Variants in THSD4 observed in about 807,000 individuals in gnomAD.
THSD4 encodes the protein thrombospondin type-1 domain-containing protein 4.
In THSD4, 69 loss-of-function variants were observed where a neutral mutation model predicts 119.0. The ratio of observed to expected loss-of-function variants is 0.58; its 90% CI spans 0.48 to 0.71. The LOEUF (loss-of-function observed/expected upper bound fraction) is 0.71, where lower values mean the gene tolerates loss of function less well. Among genes scored for constraint, THSD4 ranks in the 30% least tolerant of loss-of-function variants. THSD4 has a pLI of 0.00. For missense variants in THSD4, 1,393 were observed against 1,391.1 expected, an observed-to-expected ratio of 1.00 and a Z score of -0.02; for synonymous variants, 524 against 540.4, an observed-to-expected ratio of 0.97 and a Z score of 0.42.
At chr15:71,456,408 GA>G (rs1325575924) in intron 7 of THSD4, among the ~76,000 whole-genome samples, 1 of 152,000 alleles carries the variant, frequency 6.6e-6, no homozygotes. Flanking sequence ...TGTTGAAAAA[GA>G]AAAAAAGCAT....
intron 3 of THSD4, among the ~76,000 whole-genome samples, chr15:71,168,949 A>G (rs2043323510): frequency 6.6e-6 from 1 of 152,232 alleles, no homozygotes; most frequent in East Asian, 1.9e-4. Flanking sequence ...GTAACCATAA[A>G]ATTGTACTAC....
At chr15:71,255,851 G>C (rs755346541) in intron 5 of THSD4, among the ~76,000 whole-genome samples, 42 of 152,164 alleles carry the variant, frequency 2.8e-4, no homozygotes, top group Non-Finnish European at 5.1e-4. Context: ...TTAAAGTAGT[G>C]CCTGGCAAAG....
intron 7 of THSD4, among the ~76,000 whole-genome samples, chr15:71,658,437 G>C (rs1048458018): frequency 3.5e-4 from 53 of 152,196 alleles, no homozygotes; most frequent in Admixed American, 3.4e-3. Flanking sequence ...AAGGGAGGGA[G>C]TGTGAGATGT....
chr15:71,557,847 A>G (rs1397105953), intron 7 of THSD4, among the ~76,000 whole-genome samples: 4 of 152,062 alleles, frequency 2.6e-5, no homozygotes, highest in East Asian at 1.9e-4. Flanking sequence ...ATATTGTTCA[A>G]TTGTGCCTTT....
intron 8 of THSD4, among the ~76,000 whole-genome samples, chr15:71,701,603 C>T (rs1458498179): frequency 6.6e-6 from 1 of 151,978 alleles, no homozygotes; most frequent in Non-Finnish European, 1.5e-5. Flanking sequence ...CACTCTTTAG[C>T]CATTAAAAAT....
intron 7 of THSD4, among the ~76,000 whole-genome samples, chr15:71,593,115 T>C (rs2049838667): frequency 6.6e-6 from 1 of 151,982 alleles, no homozygotes; most frequent in Non-Finnish European, 1.5e-5. Flanking sequence ...CCTTATCTCT[T>C]TGTCCATTGT....
chr15:71,126,617 G>T (rs536382183), intron 1 of THSD4, among the ~76,000 whole-genome samples: 1 of 152,336 alleles, frequency 6.6e-6, no homozygotes, highest in South Asian at 2.1e-4. Flanking sequence ...ATCAGTTGAT[G>T]CCAGCACTGA....
chr15:71,192,929 G>A lies in THSD4; in HGVS notation c.100-22106G>A, dbSNP rs77920205. The stretch of plus-strand genomic sequence containing the variant: ...TAGTTTTCCATCCTTCATGGGAATC[G>A]TTTTTCTTCCTACGTTTCTGTTTTT... On this transcript the variant is annotated intron_variant, in intron 3 of 17. Coordinates refer to ENST00000261862, the MANE Select transcript of THSD4 (RefSeq NM_024817.3). Among the ~76,000 whole-genome samples the A allele has an allele frequency of 4.7e-4, 71 of 152,234 alleles. No homozygotes were observed. In the East Asian group the frequency reaches 0.013, roughly 29 times the overall value.
intron 1 of THSD4, among the ~76,000 whole-genome samples, chr15:71,130,482 G>A (rs961329544): frequency 2.0e-5 from 3 of 152,062 alleles, no homozygotes; most frequent in Non-Finnish European, 4.4e-5. Flanking sequence ...CACTGCGCCC[G>A]GCCCTGAGAG....
chr15:71,648,804 CGAG>C lies in THSD4; in HGVS notation c.1153-11722_1153-11720del, dbSNP rs1202304976. Among the ~76,000 whole-genome samples the C allele has an allele frequency of 3.3e-5, 5 of 152,244 alleles. No homozygotes were observed. The East Asian group carries it at 7.7e-4, about 24-fold the overall frequency. On this transcript the variant is annotated intron_variant, in intron 7 of 17. Transcript: ENST00000261862. Reference sequence around the variant, plus strand: ...GGCCAGACTGCCAAGGGACGCGTCTCGAGGAGAAGGAGAGGCACAACATTTTAC... The same window carrying C: ...GGCCAGACTGCCAAGGGACGCGTCTCGAGAAGGAGAGGCACAACATTTTAC...
intron 7 of THSD4, among the ~76,000 whole-genome samples, chr15:71,466,092 G>A (rs977363541): frequency 3.9e-5 from 6 of 152,244 alleles, no homozygotes; most frequent in African/African-American, 1.4e-4. Flanking sequence ...GCTCACACCT[G>A]TAATCCCAGC....
intron 11 of THSD4, among the ~76,000 whole-genome samples, chr15:71,740,497 A>G (rs548457839): frequency 6.6e-6 from 1 of 152,282 alleles, no homozygotes; most frequent in South Asian, 2.1e-4. Context: ...TGTGGAGAAG[A>G]TTCTCTTTCA....
chr15:71,213,829 C>G (rs1350930048), intron 3 of THSD4, among the ~76,000 whole-genome samples: 2 of 152,210 alleles, frequency 1.3e-5, no homozygotes, highest in East Asian at 1.9e-4. Flanking sequence ...GCCAAGCTCT[C>G]TGCTATGCAC....
chr15:71,370,313 C>A (rs1172931363), intron 6 of THSD4, among the ~76,000 whole-genome samples: 2 of 151,932 alleles, frequency 1.3e-5, no homozygotes, highest in African/African-American at 4.8e-5. Context: ...TTATTTCTTG[C>A]CTTCTGCTAG....
chr15:71,467,665 G>A (rs1008460906), intron 7 of THSD4, among the ~76,000 whole-genome samples: 3 of 152,094 alleles, frequency 2.0e-5, no homozygotes, highest in African/African-American at 7.2e-5. Context: ...CTTCAGGGAA[G>A]AAGAGCAGGA....
intron 6 of THSD4, among the ~76,000 whole-genome samples, chr15:71,280,064 T>C (rs1215262440): frequency 6.6e-6 from 1 of 152,222 alleles, no homozygotes; most frequent in East Asian, 1.9e-4. Flanking sequence ...TGCTGTATGC[T>C]TATCCTCCAG....
At chr15:71,204,259 A>G (rs553167035) in intron 3 of THSD4, among the ~76,000 whole-genome samples, 2 of 152,346 alleles carry the variant, frequency 1.3e-5, no homozygotes, top group East Asian at 3.9e-4. Flanking sequence ...AATTTCAGAA[A>G]GAAGAGTGTT....
chr15:71,469,666 T>C (rs760058801), intron 7 of THSD4, among the ~76,000 whole-genome samples: 1 of 152,156 alleles, frequency 6.6e-6, no homozygotes, highest in Non-Finnish European at 1.5e-5. Flanking sequence ...ATCAAATATA[T>C]CTTTGGAAGA....
At chr15:71,137,730 G>A (rs2040564651) in intron 1 of THSD4, among the ~76,000 whole-genome samples, 1 of 152,182 alleles carries the variant, frequency 6.6e-6, no homozygotes, top group Non-Finnish European at 1.5e-5. Context: ...GCCGTATCCT[G>A]AGGGAGAAGT....
Sources: gnomAD v4.1 joint callset for allele counts (sites outside exome capture counted in the v4.1 genomes callset) on GRCh38, gnomAD v4.1.1 for gene constraint, MANE v1.5 for transcripts, NCBI Gene and HGNC (gene_info 2026-07-23, HGNC 2026-07-21) for gene names.